The following DENND4A variants were observed in gnomAD, a reference collection of about 807,000 sequenced individuals.
The protein encoded by DENND4A is C-myc promoter-binding protein.
DENND4A carries 70 observed loss-of-function variants against 199.3 expected under a neutral mutation model. That is an observed-to-expected ratio of 0.35 (90% CI 0.29 to 0.43). The LOEUF (loss-of-function observed/expected upper bound fraction) is 0.43, where lower values mean the gene tolerates loss of function less well. Ranked by LOEUF, DENND4A falls within the 20% of genes least tolerant of loss-of-function variation. The pLI is 1.00. For synonymous variants in DENND4A, 686 were observed against 766.9 expected, an observed-to-expected ratio of 0.89 and a Z score of 1.74; for missense variants, 1,723 against 2,255.8, an observed-to-expected ratio of 0.76 and a Z score of 4.78.
chr15:65,718,751 TTTTTTTTCC>T (rs1567041479), intron 12 of DENND4A, among the ~76,000 whole-genome samples: 30 of 143,962 alleles, frequency 2.1e-4, no homozygotes, highest in African/African-American at 8.0e-4. Flanking sequence ...GTTTTGCATG[TTTTTTTTCC>T]TTTTTTTTTT....
In DENND4A at chr15:65,661,792, T is replaced by G; in HGVS notation, c.*59A>C. On this transcript the variant is annotated 3_prime_UTR_variant, in exon 33 of 33. Transcript: ENST00000443035. ...AGAAAAAATATTTAGAGTCTAAAAG[T>G]GTTATTTTATACACTGACTATACAA... 1.4e-6 allele frequency: 2 copies of G among 1,392,080 alleles called. No homozygotes were observed. Among genetic ancestry groups the G allele is most frequent in the Non-Finnish European group, 1.9e-6 (2 of 1,036,000 alleles). The allele number at this position is 1,392,080 out of a possible 1,614,324, so 86.2% of individuals were successfully genotyped here.
intron 4 of DENND4A, among the ~76,000 whole-genome samples, chr15:65,751,785 CAA>C (rs1386472610): frequency 1.3e-5 from 2 of 151,942 alleles, no homozygotes; most frequent in African/African-American, 2.4e-5. Flanking sequence ...GATATGACAA[CAA>C]GAGAAATCTT....
chr15:65,758,582 G>A (rs1320290591), intron 2 of DENND4A, among the ~76,000 whole-genome samples: 1 of 152,172 alleles, frequency 6.6e-6, no homozygotes, highest in East Asian at 1.9e-4. Context: ...AAAGTGTTGG[G>A]ATTACAGGTG....
chr15:65,740,602 C>T (rs977102483), intron 5 of DENND4A, among the ~76,000 whole-genome samples: 4 of 148,264 alleles, frequency 2.7e-5, no homozygotes, highest in African/African-American at 1.0e-4. Flanking sequence ...GCACTCTAGA[C>T]TAGGCAACAG....
At chr15:65,698,313 C>T (rs1267765751) in intron 20 of DENND4A, among the ~76,000 whole-genome samples, 1 of 145,496 alleles carries the variant, frequency 6.9e-6, no homozygotes, top group East Asian at 3.1e-4. Flanking sequence ...TTTTCTAATA[C>T]ACTGTGTTGC....
chr15:65,709,063 T>C (rs1046074338), intron 14 of DENND4A, among the ~76,000 whole-genome samples: 3 of 152,232 alleles, frequency 2.0e-5, no homozygotes, highest in South Asian at 2.1e-4. Flanking sequence ...TTTTGTTCAA[T>C]AGTAGTCATG....
intron 1 of DENND4A, among the ~76,000 whole-genome samples, chr15:65,789,358 C>T (rs961840621): frequency 3.3e-5 from 5 of 152,018 alleles, no homozygotes; most frequent in Admixed American, 3.3e-4. Flanking sequence ...GGCCTAATCA[C>T]TTCTTAAAAG....
intron 14 of DENND4A, among the ~76,000 whole-genome samples, chr15:65,706,992 AT>A (rs565965736): frequency 3.7e-4 from 57 of 152,306 alleles, no homozygotes; most frequent in African/African-American, 1.2e-3. Context: ...AAGAAATAAT[AT>A]TTTTTAAATC....
At chr15:65,776,549 A>C (rs2077288543) in intron 1 of DENND4A, among the ~76,000 whole-genome samples, 1 of 152,184 alleles carries the variant, frequency 6.6e-6, no homozygotes, top group Non-Finnish European at 1.5e-5. Context: ...ACCTTTTAGA[A>C]AGTCTATTTA....
chr15:65,758,214 A>G (rs1044376676), intron 2 of DENND4A, among the ~76,000 whole-genome samples: 4 of 152,244 alleles, frequency 2.6e-5, no homozygotes, highest in African/African-American at 9.6e-5. Flanking sequence ...GTGTAACAGT[A>G]ATGCATGCTT....
chr15:65,751,683 A>G (rs917707349), intron 4 of DENND4A, among the ~76,000 whole-genome samples: 5 of 152,206 alleles, frequency 3.3e-5, no homozygotes, highest in African/African-American at 9.6e-5. Flanking sequence ...AGAAGAGAGT[A>G]TATTTCTTCT....
chr15:65,742,510 C>G (rs891277127), intron 4 of DENND4A, among the ~76,000 whole-genome samples: 1 of 151,454 alleles, frequency 6.6e-6, no homozygotes, highest in African/African-American at 2.4e-5. Context: ...ACTGCAACCT[C>G]CGCCTCCCAG....
At chr15:65,704,873 T>G (rs1379835729) in intron 15 of DENND4A, among the ~76,000 whole-genome samples, 1 of 152,204 alleles carries the variant, frequency 6.6e-6, no homozygotes, top group African/African-American at 2.4e-5. Flanking sequence ...ATTACAGGCA[T>G]AAGCCACCGC....
At chr15:65,786,352 AT>A (rs2077566694) in intron 1 of DENND4A, among the ~76,000 whole-genome samples, 1 of 152,246 alleles carries the variant, frequency 6.6e-6, no homozygotes, top group East Asian at 1.9e-4. Flanking sequence ...ACACAATCAT[AT>A]TAACAGCTGC....
intron 22 of DENND4A, among the ~76,000 whole-genome samples, chr15:65,694,317 C>T (rs2077069279): frequency 6.6e-6 from 1 of 152,002 alleles, no homozygotes; most frequent in African/African-American, 2.4e-5. Flanking sequence ...GGCGTGGTGG[C>T]GTGTGCCTGT....
intron 23 of DENND4A, among the ~76,000 whole-genome samples, chr15:65,688,327 C>T (rs1424913825): frequency 6.6e-6 from 1 of 152,136 alleles, no homozygotes; most frequent in Non-Finnish European, 1.5e-5. Flanking sequence ...TTCCCTGATA[C>T]TTCCAACATC....
rs370085405 is a variant in DENND4A at position 65,664,922 on chromosome 15, G to T, written c.5360-200C>A. On this transcript the variant is annotated intron_variant, in intron 30 of 32. Coordinates refer to ENST00000443035, the MANE Select transcript of DENND4A (RefSeq NM_001320835.1). Reference sequence around the variant, plus strand: ...AAAAAAAGGTCTAAAGCTTTCTGTGGTCTTAAATAGACAATAACTAAGAAT... The same window carrying T: ...AAAAAAAGGTCTAAAGCTTTCTGTGTTCTTAAATAGACAATAACTAAGAAT... The T allele has an allele frequency of 5.7e-6, 3 of 522,042 alleles. No homozygotes were observed. In the East Asian group the frequency reaches 9.2e-5, roughly 16 times the overall value. 32.3% of individuals were successfully genotyped at this position (522,042 alleles called of 1,614,324 possible). A position where few individuals can be genotyped will look rare whatever the true frequency, so the allele number is the denominator to read the frequency against.
chr15:65,783,073 A>T (rs1436407183), intron 1 of DENND4A, among the ~76,000 whole-genome samples: 1 of 152,042 alleles, frequency 6.6e-6, no homozygotes, highest in Non-Finnish European at 1.5e-5. Context: ...ATATATAATT[A>T]CCATGTAATT....
In DENND4A at chr15:65,696,484, C is replaced by A; in HGVS notation, c.2964G>T (p.Glu988Asp). ...GSDCSSLSES[E>D]STKGSADCLP... ...GGCAATCAGCACTTCCTTTTGTACT[C>A]TCACTCTCTGACACTGTAAAGATGA... Residue 988 changes from glutamate to aspartate, a missense_variant, in exon 22 of 33, where the codon GAG becomes GAT. Around this residue, in one of 6 missense-constraint regions of DENND4A, gnomAD observed 650 missense variants for 738.1 expected, o/e 0.88. Coordinates refer to ENST00000443035, the MANE Select transcript of DENND4A (RefSeq NM_001320835.1). 1 of 1,611,348 alleles carries A rather than the reference C, an allele frequency of 6.2e-7. No individual in the cohort carries two copies. The highest frequency in any genetic ancestry group is 1.1e-5 in the South Asian group (1 of 90,956).
Sources: gnomAD v4.1 joint callset for allele counts (sites outside exome capture counted in the v4.1 genomes callset) on GRCh38, gnomAD v4.1.1 for gene constraint, gnomAD v4.1.1 regional missense constraint, MANE v1.5 for transcripts, NCBI Gene and HGNC (gene_info 2026-07-23, HGNC 2026-07-21) for gene names.